Variants in ASB3 observed in about 807,000 individuals in gnomAD.
ASB3 encodes the protein ankyrin repeat and SOCS box protein 3.
A neutral mutation model predicts 54.5 loss-of-function variants in ASB3; 41 were observed. The ratio of observed to expected loss-of-function variants is 0.75; its 90% CI spans 0.59 to 0.98. ASB3 has a LOEUF of 0.98. Ranked by LOEUF, ASB3 falls within the 50% of genes least tolerant of loss-of-function variation. ASB3 has a pLI of 0.00. For missense variants in ASB3, 733 were observed against 620.0 expected (o/e 1.18, Z -1.94); for synonymous variants, 266 against 221.2 (o/e 1.20, Z -1.80).
intron 9 of ASB3, among the ~76,000 whole-genome samples, chr2:53,685,699 T>A (rs572054285): frequency 6.6e-6 from 1 of 152,312 alleles, no homozygotes; most frequent in South Asian, 2.1e-4. Flanking sequence ...TAATTCTTTG[T>A]CTCCTCCAGA....
chr2:53,701,781 A>G (rs1669508660), intron 7 of ASB3, among the ~76,000 whole-genome samples: 1 of 152,198 alleles, frequency 6.6e-6, no homozygotes, highest in Admixed American at 6.5e-5. Flanking sequence ...AAAATTAACA[A>G]TGGGTCCAAT....
At chr2:53,760,177 T>C (rs1367973542) in intron 2 of ASB3, among the ~76,000 whole-genome samples, 4 of 152,104 alleles carry the variant, frequency 2.6e-5, no homozygotes, top group Non-Finnish European at 1.5e-5. Flanking sequence ...CGTTATACAC[T>C]AGAATTAGGA....
chr2:53,712,531 C>G (rs530125007), intron 7 of ASB3, among the ~76,000 whole-genome samples: 9 of 152,178 alleles, frequency 5.9e-5, no homozygotes, highest in Admixed American at 2.0e-4. Flanking sequence ...TTATCCGAAT[C>G]TACAGAAGGC....
At chr2:53,783,895 C>T (rs1299439969) in intron 1 of ASB3, among the ~76,000 whole-genome samples, 1 of 152,062 alleles carries the variant, frequency 6.6e-6, no homozygotes, top group Non-Finnish European at 1.5e-5. Context: ...CAAATGAGGA[C>T]ATGGAATACA....
chr2:53,764,763 G>A (rs1481140832), intron 2 of ASB3, among the ~76,000 whole-genome samples: 2 of 152,234 alleles, frequency 1.3e-5, no homozygotes, highest in Non-Finnish European at 2.9e-5. Context: ...ATGCAGAGAT[G>A]TAAAGAGATG....
intron 1 of ASB3, among the ~76,000 whole-genome samples, chr2:53,779,782 G>A (rs903076567): frequency 2.1e-4 from 32 of 152,122 alleles, no homozygotes; most frequent in Admixed American, 5.9e-4. Flanking sequence ...AGCCTGCAAA[G>A]GTCTGCCGCT....
intron 1 of ASB3, among the ~76,000 whole-genome samples, chr2:53,772,211 G>A (rs563795709): frequency 6.6e-6 from 1 of 152,158 alleles, no homozygotes; most frequent in East Asian, 1.9e-4. Context: ...GTCTAGCTCT[G>A]TCGCCCAGGC....
At chr2:53,758,369 T>C (rs1200139688) in intron 2 of ASB3, among the ~76,000 whole-genome samples, 5 of 152,212 alleles carry the variant, frequency 3.3e-5, no homozygotes, top group African/African-American at 1.2e-4. Context: ...TAGGGCGTAT[T>C]CCTACAAGGG....
chr2:53,734,019 C>G (rs1039418362), intron 3 of ASB3, among the ~76,000 whole-genome samples: 6 of 152,210 alleles, frequency 3.9e-5, no homozygotes, highest in Admixed American at 3.9e-4. Flanking sequence ...AGATCGGTCA[C>G]GCTATTGTTT....
chr2:53,727,466 T>TA (rs149058800), intron 5 of ASB3, among the ~76,000 whole-genome samples: 22 of 147,840 alleles, frequency 1.5e-4, no homozygotes, highest in East Asian at 7.9e-4. Flanking sequence ...CCACATGTCT[T>TA]AAAAAAAAAA....
At chr2:53,776,993 T>C (rs982927520) in intron 1 of ASB3, among the ~76,000 whole-genome samples, 8 of 152,236 alleles carry the variant, frequency 5.3e-5, no homozygotes, top group Non-Finnish European at 1.0e-4. Flanking sequence ...TTATTGGATT[T>C]CAGGGACTTT....
chr2:53,768,078 C>A, intron 1 of ASB3: 5 of 1,590,066 alleles, frequency 3.1e-6, no homozygotes, highest in Non-Finnish European at 4.3e-6. Flanking sequence ...CTCCCCAACT[C>A]CACACACAGC....
intron 1 of ASB3, among the ~76,000 whole-genome samples, chr2:53,783,022 G>A (rs537470244): frequency 3.6e-4 from 55 of 152,006 alleles, no homozygotes; most frequent in Non-Finnish European, 6.3e-4. Flanking sequence ...CCAGACCTCA[G>A]GTGATCTCTC....
intron 7 of ASB3, among the ~76,000 whole-genome samples, chr2:53,707,731 G>A (rs1004491732): frequency 1.3e-5 from 2 of 151,738 alleles, no homozygotes; most frequent in Non-Finnish European, 2.9e-5. Context: ...GGAGGTGAAG[G>A]GGGGCAGATC....
chr2:53,762,525 GAACT>G (rs1167338507), intron 2 of ASB3, among the ~76,000 whole-genome samples: 3 of 152,124 alleles, frequency 2.0e-5, no homozygotes, highest in African/African-American at 4.8e-5. Flanking sequence ...TATTTAACAT[GAACT>G]AATAAAAAAT....
chr2:53,716,064 C>G (rs972577920), intron 6 of ASB3, among the ~76,000 whole-genome samples: 27 of 152,170 alleles, frequency 1.8e-4, no homozygotes, highest in African/African-American at 6.5e-4. Flanking sequence ...TTACTAGCTT[C>G]TAAGATTCCT....
At chr2:53,755,985 C>CCT (rs1553380774) in intron 2 of ASB3, among the ~76,000 whole-genome samples, 1 of 151,288 alleles carries the variant, frequency 6.6e-6, no homozygotes, top group Non-Finnish European at 1.5e-5. Context: ...AGACCCCCCC[C>CCT]CCACCTCTAC....
At chr2:53,773,699 T>G (rs1334084031) in intron 1 of ASB3, among the ~76,000 whole-genome samples, 2 of 151,332 alleles carry the variant, frequency 1.3e-5, no homozygotes, top group African/African-American at 2.4e-5. Flanking sequence ...AAAGTGCTGG[T>G]ATTACAGGCG....
chr2:53,774,459 T>A, intron 1 of ASB3: 5 of 1,595,202 alleles, frequency 3.1e-6, no homozygotes, highest in Non-Finnish European at 4.3e-6. Context: ...CAGATGAGCA[T>A]CTTTTCGCTT....
Sources: allele counts gnomAD v4.1 joint callset (sites outside exome capture counted in the v4.1 genomes callset), GRCh38; gene constraint gnomAD v4.1.1; transcripts MANE v1.5; gene names NCBI Gene and HGNC (gene_info 2026-07-23, HGNC 2026-07-21).